The following FRMD4A variants were observed in gnomAD, a reference collection of about 807,000 sequenced individuals.
The protein encoded by FRMD4A is FERM domain-containing protein 4A.
Under a neutral mutation model 129.1 loss-of-function variants are expected in FRMD4A, and 29 were observed. The ratio of observed to expected loss-of-function variants is 0.22; its 90% CI spans 0.17 to 0.31. The LOEUF is 0.31. Ranked by LOEUF, FRMD4A falls within the 10% of genes least tolerant of loss-of-function variation. The pLI, the probability that FRMD4A is intolerant of heterozygous loss-of-function variation, is 1.00. For synonymous variants in FRMD4A, 634 were observed against 571.6 expected, an observed-to-expected ratio of 1.11 and a Z score of -1.56; for missense variants, 1,272 against 1,375.8, an observed-to-expected ratio of 0.92 and a Z score of 1.19.
intron 3 of FRMD4A, among the ~76,000 whole-genome samples, chr10:13,822,418 G>A (rs187169421): frequency 1.3e-5 from 2 of 152,320 alleles, no homozygotes; most frequent in Admixed American, 6.5e-5. Flanking sequence ...TTGCCAGACA[G>A]TAAGTTCCTG....
intron 2 of FRMD4A, among the ~76,000 whole-genome samples, chr10:14,015,773 C>T (rs2095697275): frequency 6.6e-6 from 1 of 152,202 alleles, no homozygotes; most frequent in Non-Finnish European, 1.5e-5. Context: ...AGGCAATTCT[C>T]TTATACGGCA....
At position 14,285,174 on chromosome 10, in the gene FRMD4A, C is replaced by G. The variant is rs928651004; in HGVS notation, c.45+44884G>C. Among the ~76,000 whole-genome samples, 2 of 152,176 alleles carry G rather than the reference C, an allele frequency of 1.3e-5. 1 individual carries two copies. Among genetic ancestry groups the G allele is most frequent in the South Asian group, 4.1e-4 (2 of 4,830 alleles). On this transcript the variant is annotated intron_variant, in intron 2 of 24. Transcript: ENST00000357447. ...CTTTTCATATTAGAGTAAGTGACAC[C>G]GCTTCCCAGCGTGATAAGAGTGAGG...
intron 2 of FRMD4A, among the ~76,000 whole-genome samples, chr10:14,278,786 T>C (rs1257846371): frequency 2.0e-5 from 3 of 152,208 alleles, no homozygotes; most frequent in South Asian, 4.1e-4. Flanking sequence ...AGCCATCGAT[T>C]TCTTCCTGTC....
chr10:13,979,340 G>T (rs2093681358), intron 2 of FRMD4A, among the ~76,000 whole-genome samples: 1 of 152,190 alleles, frequency 6.6e-6, no homozygotes, highest in South Asian at 2.1e-4. Flanking sequence ...AGAAGGGCAG[G>T]TGGGCCTAGA....
intron 2 of FRMD4A, among the ~76,000 whole-genome samples, chr10:14,171,898 G>C (rs1374694939): frequency 6.6e-6 from 1 of 152,228 alleles, no homozygotes; most frequent in African/African-American, 2.4e-5. Context: ...ACAGACTTAA[G>C]GAGGCATAAT....
chr10:13,758,978 GA>G (rs1160898042), intron 8 of FRMD4A, among the ~76,000 whole-genome samples: 1 of 152,124 alleles, frequency 6.6e-6, no homozygotes, highest in Non-Finnish European at 1.5e-5. Flanking sequence ...AGATGGGAAG[GA>G]ATTTGGAATT....
At chr10:13,921,486 C>G (rs1170926669) in intron 2 of FRMD4A, among the ~76,000 whole-genome samples, 2 of 152,156 alleles carry the variant, frequency 1.3e-5, no homozygotes, top group Non-Finnish European at 2.9e-5. Context: ...ATCTCAAACT[C>G]CTGGGCTAAA....
chr10:13,871,043 A>G (rs2131083898), intron 2 of FRMD4A: 1 of 159,778 alleles, frequency 6.3e-6, no homozygotes, highest in East Asian at 1.8e-4. Context: ...CATCCTCAGC[A>G]TGCTTGTGAG....
chr10:13,861,305 G>T (rs950892155), intron 2 of FRMD4A, among the ~76,000 whole-genome samples: 3 of 152,130 alleles, frequency 2.0e-5, no homozygotes, highest in Non-Finnish European at 2.9e-5. Flanking sequence ...GTTCAACAGG[G>T]ATTATTCACT....
rs558575060 is a variant in FRMD4A at position 13,753,825 on chromosome 10, G to A, written c.465-6006C>T. Among the ~76,000 whole-genome samples the A allele has an allele frequency of 2.9e-4, 44 of 152,250 alleles. No individual in the cohort carries two copies. In the South Asian group the frequency reaches 6.2e-3, roughly 22 times the overall value. ...CTCCCAAAGTGCTGGGATTATAGGC[G>A]TGAGCCACAGTGTCTGGCAGTGCCT... On this transcript the variant is annotated intron_variant, in intron 8 of 24. Transcript: ENST00000357447.
chr10:13,743,096 G>A (rs1484120636), intron 9 of FRMD4A, among the ~76,000 whole-genome samples: 2 of 152,118 alleles, frequency 1.3e-5, no homozygotes, highest in Non-Finnish European at 2.9e-5. Flanking sequence ...CCAGCTACAG[G>A]GGGCCTTGCC....
intron 2 of FRMD4A, among the ~76,000 whole-genome samples, chr10:14,021,239 T>C (rs113663786): frequency 0.017 from 2,660 of 152,088 alleles, 87 homozygotes; most frequent in African/African-American, 0.061. Context: ...AAAAAAAATC[T>C]TTATATAAAA....
intron 2 of FRMD4A, among the ~76,000 whole-genome samples, chr10:13,897,553 C>T (rs917366251): frequency 6.6e-6 from 1 of 152,190 alleles, no homozygotes; most frequent in Non-Finnish European, 1.5e-5. Context: ...TGCTGAGTGC[C>T]TCAAGAGTGG....
At chr10:14,298,718 C>T (rs1162253526) in intron 2 of FRMD4A, among the ~76,000 whole-genome samples, 2 of 152,176 alleles carry the variant, frequency 1.3e-5, no homozygotes, top group Non-Finnish European at 2.9e-5. Flanking sequence ...CGTGGCCTTT[C>T]TAGGGAAGAG....
intron 12 of FRMD4A, among the ~76,000 whole-genome samples, chr10:13,736,490 C>A (rs1281255366): frequency 6.6e-6 from 1 of 152,212 alleles, no homozygotes; most frequent in African/African-American, 2.4e-5. Context: ...CAATAATTCC[C>A]CCATCATTTG....
chr10:13,684,529 C>T, intron 15 of FRMD4A: 3 of 985,400 alleles, frequency 3.0e-6, no homozygotes, highest in Non-Finnish European at 3.6e-6. Context: ...AACAGCAGCT[C>T]TCCTCCCGGC....
At chr10:13,727,729 G>T in intron 12 of FRMD4A, 1 of 152,116 alleles carries the variant, frequency 6.6e-6, no homozygotes, top group Non-Finnish European at 1.5e-5. Flanking sequence ...GACCCCTCCT[G>T]ACCAGCCATC....
At chr10:13,881,990 GGTGTGT>G (rs71388128) in intron 2 of FRMD4A, among the ~76,000 whole-genome samples, 2,688 of 15,362 alleles carry the variant, frequency 0.17, 96 homozygotes, top group Admixed American at 0.41. Flanking sequence ...GAGAGGCAAG[GGTGTGT>G]GTGTGTGTGT....
At position 13,670,415 on chromosome 10, in the gene FRMD4A, G is replaced by C. The variant is rs1450143175; in HGVS notation, c.1365C>G (p.Pro455=). Residue 455 remains proline, a synonymous_variant, in exon 17 of 25, where the codon CCC becomes CCG. Transcript: ENST00000357447. ...AFKLDEQKIL[P]KGEEAELERL... is the part of the protein sequence containing the mutation. The stretch of plus-strand genomic sequence containing the variant: ...GAAAGGAAGGACGCACCTCTCCTTT[G>C]GGCAGGATTTTCTGTTCATCCAGTT... 6 of 1,613,166 alleles carry C rather than the reference G, an allele frequency of 3.7e-6. No individual in the cohort carries two copies. The South Asian group carries it at 6.6e-5, about 18-fold the overall frequency.
Sources: allele counts gnomAD v4.1 joint callset (sites outside exome capture counted in the v4.1 genomes callset), GRCh38; gene constraint gnomAD v4.1.1; transcripts MANE v1.5; gene names NCBI Gene and HGNC (gene_info 2026-07-23, HGNC 2026-07-21).